Variants in CSTPP1 observed in about 807,000 individuals in gnomAD.
CSTPP1 encodes the protein UPF0705 protein C11orf49.
chr11:47,083,345 A>G, the CSTPP1 span, among the ~76,000 whole-genome samples: 15 of 152,254 alleles, frequency 9.9e-5, no homozygotes, highest in East Asian at 2.7e-3. Context: ...TTGTCTATCC[A>G]TTCATCCATT....
the CSTPP1 span, among the ~76,000 whole-genome samples, chr11:47,054,791 A>T: frequency 6.6e-6 from 1 of 152,188 alleles, no homozygotes; most frequent in Non-Finnish European, 1.5e-5. Flanking sequence ...TCAGAGATAG[A>T]ATCCATAGGA....
the CSTPP1 span, among the ~76,000 whole-genome samples, chr11:47,042,485 G>A: frequency 6.6e-6 from 1 of 150,984 alleles, no homozygotes; most frequent in South Asian, 2.1e-4. Flanking sequence ...GAGAGAGAGA[G>A]AAAAGAGAGT....
At chr11:47,006,103 C>T in the CSTPP1 span, among the ~76,000 whole-genome samples, 1 of 152,186 alleles carries the variant, frequency 6.6e-6, no homozygotes, top group African/African-American at 2.4e-5. Flanking sequence ...GGAGTTCCCA[C>T]ATCCATTTCA....
the CSTPP1 span, among the ~76,000 whole-genome samples, chr11:47,073,902 A>T: frequency 6.6e-6 from 1 of 152,160 alleles, no homozygotes; most frequent in Non-Finnish European, 1.5e-5. Context: ...ATTTTAGTGT[A>T]TTGAGGGTAG....
chr11:47,090,208 C>G, the CSTPP1 span, among the ~76,000 whole-genome samples: 1 of 152,180 alleles, frequency 6.6e-6, no homozygotes, highest in South Asian at 2.1e-4. Flanking sequence ...TGGTCTCGAA[C>G]TCCCGACCTC....
chr11:47,087,559 C>T, the CSTPP1 span, among the ~76,000 whole-genome samples: 3 of 152,084 alleles, frequency 2.0e-5, no homozygotes, highest in Admixed American at 6.6e-5. Context: ...ATTAGCTGGG[C>T]ATGGTGGTGC....
the CSTPP1 span, among the ~76,000 whole-genome samples, chr11:47,010,764 G>A: frequency 6.6e-6 from 1 of 152,030 alleles, no homozygotes; most frequent in Non-Finnish European, 1.5e-5. Context: ...ACTTTGTAGG[G>A]AAAAAGAGGT....
the CSTPP1 span, among the ~76,000 whole-genome samples, chr11:47,072,939 T>C: frequency 2.6e-5 from 4 of 152,180 alleles, no homozygotes; most frequent in Admixed American, 6.5e-5. Flanking sequence ...AACAGCATGA[T>C]GGTAGAGTAC....
At chr11:47,095,341 C>G in the CSTPP1 span, among the ~76,000 whole-genome samples, 1 of 152,156 alleles carries the variant, frequency 6.6e-6, no homozygotes, top group Admixed American at 6.5e-5. Flanking sequence ...TACAGGTTTC[C>G]TTTTTCCTTT....
the CSTPP1 span, among the ~76,000 whole-genome samples, chr11:46,952,181 C>T: frequency 2.0e-5 from 3 of 152,186 alleles, no homozygotes; most frequent in Non-Finnish European, 4.4e-5. Context: ...GCAGGGTCTG[C>T]TTTAGGAAGT....
chr11:47,155,165 T>C, the CSTPP1 span: 3 of 1,605,170 alleles, frequency 1.9e-6, no homozygotes, highest in Middle Eastern at 1.7e-4. Flanking sequence ...GATTCTCTCT[T>C]TCCCCTTCAG....
the CSTPP1 span, chr11:47,103,555 T>C: frequency 6.6e-6 from 1 of 152,148 alleles, no homozygotes; most frequent in African/African-American, 2.4e-5. Flanking sequence ...ATATGTCTTA[T>C]TAGTTCTTTC....
At chr11:47,035,737 T>C in the CSTPP1 span, among the ~76,000 whole-genome samples, 1 of 152,126 alleles carries the variant, frequency 6.6e-6, no homozygotes, top group Non-Finnish European at 1.5e-5. Flanking sequence ...TGGACTAGTG[T>C]CTACATATTT....
chr11:47,036,034 G>GATATATATATATATATATATATAT, the CSTPP1 span, among the ~76,000 whole-genome samples: 8 of 25,374 alleles, frequency 3.2e-4, no homozygotes, highest in East Asian at 7.8e-4. Context: ...GGAGTGAAAA[G>GATATATATATATATATATATATAT]ATATATATAT....
chr11:47,019,864 C>A, the CSTPP1 span, among the ~76,000 whole-genome samples: 1 of 152,092 alleles, frequency 6.6e-6, no homozygotes, highest in African/African-American at 2.4e-5. Flanking sequence ...TCAAAAAATG[C>A]AATATCTACA....
the CSTPP1 span, among the ~76,000 whole-genome samples, chr11:47,060,258 CTTTTTTTTT>C: frequency 2.0e-5 from 2 of 99,016 alleles, no homozygotes; most frequent in African/African-American, 8.1e-5. Context: ...CTTTTCTTTT[CTTTTTTTTT>C]TTTTTTTTTT....
the CSTPP1 span, among the ~76,000 whole-genome samples, chr11:47,101,263 C>T: frequency 2.1e-5 from 3 of 145,314 alleles, no homozygotes; most frequent in Admixed American, 7.1e-5. Context: ...TCAGGTGATC[C>T]GCCCACCTCA....
At chr11:47,020,319 AAAT>A in the CSTPP1 span, among the ~76,000 whole-genome samples, 2 of 152,214 alleles carry the variant, frequency 1.3e-5, no homozygotes, top group African/African-American at 4.8e-5. Flanking sequence ...ATTTTTTATA[AAAT>A]AATGTATTTA....
chr11:47,128,509 G>T, the CSTPP1 span, among the ~76,000 whole-genome samples: 1 of 151,868 alleles, frequency 6.6e-6, no homozygotes, highest in African/African-American at 2.4e-5. Context: ...AGTCTCTTGA[G>T]TAGCTGGGAC....
Sources: allele counts gnomAD v4.1 joint callset (sites outside exome capture counted in the v4.1 genomes callset), GRCh38; gene constraint gnomAD v4.1.1; transcripts MANE v1.5; gene names NCBI Gene and HGNC (gene_info 2026-07-23, HGNC 2026-07-21).